The following SLC25A48 variants were observed in gnomAD, a reference collection of about 807,000 sequenced individuals.
SLC25A48 encodes the protein solute carrier family 25 member 48.
A neutral mutation model predicts 32.2 loss-of-function variants in SLC25A48; 29 were observed. That is an observed-to-expected ratio of 0.90 (90% CI 0.67 to 1.23). The LOEUF (loss-of-function observed/expected upper bound fraction) is 1.23. Ranked by LOEUF, SLC25A48 falls within the 50% of genes most tolerant of loss-of-function variation. The pLI is 0.00. For missense variants in SLC25A48, 399 were observed against 422.7 expected (o/e 0.94, Z 0.49); for synonymous variants, 164 against 172.3 (o/e 0.95, Z 0.38).
In SLC25A48 at chr5:135,725,470, A is replaced by T. The variant is rs76306502; in HGVS notation, c.-520-87053A>T. 1.9e-3 allele frequency among the ~76,000 whole-genome samples: 286 copies of T among 152,326 alleles called. 1 individual carries two copies. The highest frequency in any genetic ancestry group is 6.7e-3 in the African/African-American group (279 of 41,588). On this transcript the variant is annotated intron_variant, in intron 3 of 10. Transcript: ENST00000646290. ...GGTGGGAAACAGCTAGGCAAGTTTCAGGAACAGAAAGGAGGCTGAAGGGAC... is the reference window on the plus strand; with the variant it reads ...GGTGGGAAACAGCTAGGCAAGTTTCTGGAACAGAAAGGAGGCTGAAGGGAC...
chr5:135,879,605 AGAGAGAGT>A lies in SLC25A48; in HGVS notation c.814-361_814-354del, dbSNP rs1554087172. Among the ~76,000 whole-genome samples the A allele has an allele frequency of 3.3e-4, 45 of 135,360 alleles. 1 individual carries two copies. The highest frequency in any genetic ancestry group is 1.7e-3 in the Admixed American group (24 of 14,450). 88.8% of individuals were successfully genotyped at this position (135,360 alleles called of 152,430 possible). A position where few individuals can be genotyped will look rare whatever the true frequency, so the allele number is the denominator to read the frequency against. Reference sequence around the variant, plus strand: ...CGAGGAGAGAGAGAGAGAGAGAGAGAGAGAGAGTGTGTGTGTGTGTGTGTGTGTGTGTG... The same window carrying A: ...CGAGGAGAGAGAGAGAGAGAGAGAGAGTGTGTGTGTGTGTGTGTGTGTGTG... On this transcript the variant is annotated intron_variant, in intron 6 of 7. Coordinates refer to ENST00000681962, the MANE Select transcript of SLC25A48 (RefSeq NM_001349336.2).
At chr5:135,638,473 A>G (rs946986094) in intron 3 of SLC25A48, among the ~76,000 whole-genome samples, 10 of 152,238 alleles carry the variant, frequency 6.6e-5, no homozygotes, top group African/African-American at 2.4e-4. Flanking sequence ...CTTCAGGTCC[A>G]GAACACAGTT....
intron 3 of SLC25A48, among the ~76,000 whole-genome samples, chr5:135,766,696 G>T (rs1045320599): frequency 6.6e-6 from 1 of 150,800 alleles, no homozygotes; most frequent in South Asian, 2.1e-4. Flanking sequence ...GATATGGTTT[G>T]TAATATCCTG....
chr5:135,675,683 A>G (rs6881111), intron 3 of SLC25A48, among the ~76,000 whole-genome samples: 120,423 of 151,970 alleles, frequency 0.79, 48,067 homozygotes, highest in Middle Eastern at 0.89. Context: ...TTGGCTATTT[A>G]AGCTTTTATC....
chr5:135,717,996 G>T lies in SLC25A48; in HGVS notation c.-521+83040G>T, dbSNP rs145207879. Among the ~76,000 whole-genome samples the T allele has an allele frequency of 6.8e-3, 1,018 of 149,094 alleles. 16 individuals are homozygous for T. Among genetic ancestry groups the T allele is most frequent in the African/African-American group, 0.024 (983 of 40,672 alleles). On this transcript the variant is annotated intron_variant, in intron 3 of 10. Transcript: ENST00000646290. ...TCAATTTTCTGGAAATTAATTGTGG[G>T]CTTGAGACTCCTTTTTTGTTGTTGT...
At chr5:135,820,760 A>C (rs1580916868) in intron 4 of SLC25A48, among the ~76,000 whole-genome samples, 1 of 152,260 alleles carries the variant, frequency 6.6e-6, no homozygotes, top group East Asian at 1.9e-4. Context: ...CAAAATATAA[A>C]ATAAGAGGCT....
At chr5:135,655,206 C>T (rs899182986) in intron 3 of SLC25A48, among the ~76,000 whole-genome samples, 1 of 152,002 alleles carries the variant, frequency 6.6e-6, no homozygotes, top group African/African-American at 2.4e-5. Context: ...ATTCCAAAAC[C>T]CCGGCTTTGC....
At chr5:135,831,647 A>G (rs1442758888), upstream of SLC25A48, among the ~76,000 whole-genome samples, 7 of 152,234 alleles carry the variant, frequency 4.6e-5, no homozygotes, top group Non-Finnish European at 8.8e-5. Flanking sequence ...CCACAAGGGA[A>G]TAGCATGTGC....
intron 4 of SLC25A48, among the ~76,000 whole-genome samples, chr5:135,825,372 T>G (rs1758011143): frequency 6.6e-6 from 1 of 152,160 alleles, no homozygotes; most frequent in Admixed American, 6.5e-5. Flanking sequence ...GTCTATAACA[T>G]TCCTAATCAC....
rs141265961 is a variant in SLC25A48, at chr5:135,601,749, A to G, written c.-849+22152A>G. Reference sequence around the variant, plus strand: ...CTATTCATCTCCCAACAGCTGCCAAAGCGAAGGCCTGGCTGAGCCAAAAGA... The same window carrying G: ...CTATTCATCTCCCAACAGCTGCCAAGGCGAAGGCCTGGCTGAGCCAAAAGA... On this transcript the variant is annotated intron_variant, in intron 1 of 10. Coordinates refer to the SLC25A48 transcript ENST00000646290. 4.7e-3 allele frequency among the ~76,000 whole-genome samples: 712 copies of G among 152,286 alleles called. 9 individuals are homozygous for G. The highest frequency in any genetic ancestry group is 6.8e-3 in the Middle Eastern group (2 of 294).
intron 1 of SLC25A48, among the ~76,000 whole-genome samples, chr5:135,836,970 A>ACCCCCCCCC (rs764093952): frequency 1.8e-5 from 2 of 111,736 alleles, no homozygotes; most frequent in Non-Finnish European, 3.4e-5. Flanking sequence ...CCCCCCCCCC[A>ACCCCCCCCC]CCCCCCCCCC....
chr5:135,811,370 G>A (rs1757587107), intron 3 of SLC25A48, among the ~76,000 whole-genome samples: 1 of 152,110 alleles, frequency 6.6e-6, no homozygotes, highest in Admixed American at 6.6e-5. Flanking sequence ...TAAAACAATC[G>A]AATTCATAAA....
At chr5:135,861,683 G>A (rs957842106) in intron 4 of SLC25A48, among the ~76,000 whole-genome samples, 4 of 152,134 alleles carry the variant, frequency 2.6e-5, no homozygotes, top group African/African-American at 4.8e-5. Flanking sequence ...TATGATCAGC[G>A]AATATATTCA....
chr5:135,795,447 G>A (rs1362016904), intron 3 of SLC25A48, among the ~76,000 whole-genome samples: 1 of 151,840 alleles, frequency 6.6e-6, no homozygotes. Flanking sequence ...CAGGGAGAGA[G>A]GGGATGGTAT....
intron 3 of SLC25A48, among the ~76,000 whole-genome samples, chr5:135,637,516 C>A (rs1207905328): frequency 6.6e-6 from 1 of 152,202 alleles, no homozygotes; most frequent in African/African-American, 2.4e-5. Flanking sequence ...TTCATTTATT[C>A]ATGGCCCCTA....
chr5:135,738,187 G>A (rs79947004), intron 3 of SLC25A48, among the ~76,000 whole-genome samples: 1,937 of 152,220 alleles, frequency 0.013, 42 homozygotes, highest in African/African-American at 0.043. Context: ...TGAGCAAAAT[G>A]ATGTAAGGAT....
intron 4 of SLC25A48, among the ~76,000 whole-genome samples, chr5:135,857,028 G>A (rs1339672467): frequency 1.3e-5 from 2 of 152,244 alleles, no homozygotes; most frequent in African/African-American, 4.8e-5. Flanking sequence ...GTCCCTGGAA[G>A]GGGAGGAAAT....
intron 1 of SLC25A48, among the ~76,000 whole-genome samples, chr5:135,837,287 G>A (rs939291394): frequency 6.6e-6 from 1 of 152,094 alleles, no homozygotes; most frequent in Non-Finnish European, 1.5e-5. Flanking sequence ...GGTAGGAGGG[G>A]ATAAGAGGGG....
chr5:135,835,353 C>T (rs1002378294), intron 1 of SLC25A48, among the ~76,000 whole-genome samples: 1 of 147,868 alleles, frequency 6.8e-6, no homozygotes, highest in Admixed American at 6.7e-5. Context: ...CGGGGCGTCC[C>T]GACTGGAGGG....
Sources: gnomAD v4.1 joint callset for allele counts (sites outside exome capture counted in the v4.1 genomes callset) on GRCh38, gnomAD v4.1.1 for gene constraint, MANE v1.5 for transcripts, NCBI Gene and HGNC (gene_info 2026-07-23, HGNC 2026-07-21) for gene names.